Variants in TBL1X observed in about 807,000 individuals in gnomAD.
TBL1X encodes transducin beta like 1 X-linked.
Under a neutral mutation model 50.7 loss-of-function variants are expected in TBL1X, and 10 were observed. The observed-to-expected ratio is 0.20, with a 90% CI of 0.12 to 0.33. The LOEUF (loss-of-function observed/expected upper bound fraction) is 0.33, where lower values mean the gene tolerates loss of function less well. Among genes scored for constraint, TBL1X ranks in the 10% least tolerant of loss-of-function variants. The pLI, the probability that TBL1X is intolerant of heterozygous loss-of-function variation, is 1.00. For synonymous variants in TBL1X, 190 were observed against 214.7 expected (o/e 0.88, Z 1.01); for missense variants, 340 against 504.4 (o/e 0.67, Z 3.12).
chrX:9,710,216 CAAAAA>C (rs35056016), intron 15 of TBL1X, among the ~76,000 whole-genome samples: 1 of 55,124 alleles, frequency 1.8e-5, no homozygotes, highest in East Asian at 6.1e-4. Context: ...GACCATGTCT[CAAAAA>C]AAAAAAAAAA....
chrX:9,507,588 C>T (rs2082032622), intron 2 of TBL1X, among the ~76,000 whole-genome samples: 1 of 111,987 alleles, frequency 8.9e-6, no homozygotes, highest in Non-Finnish European at 1.9e-5. Context: ...TTAGGAAAAC[C>T]TATTTTAAAT....
intron 2 of TBL1X, among the ~76,000 whole-genome samples, chrX:9,563,932 C>T (rs369234358): frequency 8.9e-6 from 1 of 112,433 alleles, no homozygotes; most frequent in Non-Finnish European, 1.9e-5. Flanking sequence ...AGAACATTAG[C>T]ATAAAGGAAG....
At position 9,645,507 on chromosome X, in the gene TBL1X, T is replaced by C. The variant is rs1365603138; in HGVS notation, c.-43+5147T>C. 3 of 112,066 alleles carry C rather than the reference T, an allele frequency of 2.7e-5. No homozygotes were observed. In the Admixed American group the frequency reaches 2.8e-4, roughly 11 times the overall value. The allele number at this position is 112,066 out of a possible 1,213,427, so 9.2% of individuals were successfully genotyped here. On this transcript the variant is annotated intron_variant, in intron 3 of 17. Transcript: ENST00000645353. The stretch of plus-strand genomic sequence containing the variant: ...CATTGCCCCTGCCTGAAATGCTGTT[T>C]TCCTGGCCGCATCTTATGCCACTAG...
At chrX:9,708,737 G>A (rs1375719734) in intron 13 of TBL1X, among the ~76,000 whole-genome samples, 2 of 107,251 alleles carry the variant, frequency 1.9e-5, no homozygotes, top group Non-Finnish European at 1.9e-5. Context: ...GCATGGTGGT[G>A]CCTGCCTGTA....
intron 2 of TBL1X, among the ~76,000 whole-genome samples, chrX:9,630,551 A>C (rs1312232664): frequency 3.6e-5 from 4 of 112,564 alleles, no homozygotes; most frequent in Non-Finnish European, 7.5e-5. Context: ...TATGTAAATA[A>C]TTGTTATATT....
chrX:9,464,454 G>C (rs1339046919), upstream of TBL1X, among the ~76,000 whole-genome samples: 1 of 111,405 alleles, frequency 9.0e-6, no homozygotes, highest in African/African-American at 3.3e-5. Flanking sequence ...CCCACTTTTT[G>C]AGCTGGGGTA....
intron 1 of TBL1X, among the ~76,000 whole-genome samples, chrX:9,498,384 G>C (rs183257325): frequency 8.9e-6 from 1 of 112,356 alleles, no homozygotes; most frequent in African/African-American, 3.2e-5. Context: ...GGGTTTTTAG[G>C]CCTGCGTTTG....
At chrX:9,688,528 A>G (rs763009213) in intron 7 of TBL1X, among the ~76,000 whole-genome samples, 4 of 112,527 alleles carry the variant, frequency 3.6e-5, no homozygotes, top group Non-Finnish European at 7.5e-5. Context: ...GAGAACTCTC[A>G]TGTAACACAT....
intron 6 of TBL1X, among the ~76,000 whole-genome samples, chrX:9,685,774 G>A (rs1198157980): frequency 1.1e-5 from 1 of 89,489 alleles, no homozygotes; most frequent in East Asian, 4.0e-4. Flanking sequence ...CCAGGTGGGA[G>A]TACAGTGGTA....
chrX:9,625,075 G>A (rs777392080), intron 2 of TBL1X, among the ~76,000 whole-genome samples: 2 of 112,374 alleles, frequency 1.8e-5, no homozygotes, highest in Admixed American at 9.4e-5. Flanking sequence ...ACTATTTTAA[G>A]TTCCTTTTAA....
intron 6 of TBL1X, among the ~76,000 whole-genome samples, chrX:9,685,394 G>A (rs1344470211): frequency 1.8e-5 from 2 of 111,617 alleles, no homozygotes; most frequent in African/African-American, 6.5e-5. Context: ...GGGCTCAAGT[G>A]ATCCTCCTGT....
chrX:9,498,641 T>C (rs2081984816), intron 1 of TBL1X, among the ~76,000 whole-genome samples: 1 of 112,388 alleles, frequency 8.9e-6, no homozygotes, highest in Admixed American at 9.4e-5. Flanking sequence ...TCTTCGCGAG[T>C]ATCTGACAAG....
At chrX:9,612,794 T>A (rs1397889775) in intron 2 of TBL1X, among the ~76,000 whole-genome samples, 1 of 111,279 alleles carries the variant, frequency 9.0e-6, no homozygotes, top group Non-Finnish European at 1.9e-5. Flanking sequence ...TATCAAAACA[T>A]CTCATGTACT....
At chrX:9,661,623 TG>T (rs993909419) in intron 5 of TBL1X, among the ~76,000 whole-genome samples, 17 of 111,616 alleles carry the variant, frequency 1.5e-4, no homozygotes, top group Non-Finnish European at 3.2e-4. Flanking sequence ...GAGGAGTGCA[TG>T]GAAGAGTGAG....
intron 2 of TBL1X, among the ~76,000 whole-genome samples, chrX:9,589,299 C>T (rs1227403086): frequency 9.1e-6 from 1 of 109,696 alleles, no homozygotes; most frequent in Non-Finnish European, 1.9e-5. Context: ...GTCCAGAAGT[C>T]CAAAGTCAAG....
At chrX:9,705,669 TA>T (rs1321578956) in intron 13 of TBL1X, among the ~76,000 whole-genome samples, 14 of 102,408 alleles carry the variant, frequency 1.4e-4, no homozygotes, top group Admixed American at 4.4e-4. Context: ...TGCAGTGAGT[TA>T]CAGTAGCACC....
intron 2 of TBL1X, chrX:9,639,912 C>G (rs745857150): frequency 9.0e-6 from 1 of 111,530 alleles, no homozygotes; most frequent in Non-Finnish European, 1.9e-5. Context: ...TTCAAGGGAA[C>G]CTTAATTTAT....
chrX:9,585,492 G>C (rs943675630), intron 2 of TBL1X, among the ~76,000 whole-genome samples: 5 of 111,434 alleles, frequency 4.5e-5, no homozygotes, highest in African/African-American at 1.6e-4. Flanking sequence ...TGCAGTCGGA[G>C]GAGGATGGTT....
chrX:9,658,990 C>G (rs1218707151), intron 5 of TBL1X, among the ~76,000 whole-genome samples: 1 of 111,449 alleles, frequency 9.0e-6, no homozygotes, highest in African/African-American at 3.3e-5. Context: ...TTCTTATTTT[C>G]TGTTTTATTT....
Sources: gnomAD v4.1 joint callset for allele counts (sites outside exome capture counted in the v4.1 genomes callset) on GRCh38, gnomAD v4.1.1 for gene constraint, MANE v1.5 for transcripts, NCBI Gene and HGNC (gene_info 2026-07-23, HGNC 2026-07-21) for gene names.